Variants in THRB observed in about 807,000 individuals in gnomAD.
THRB encodes the protein nuclear receptor subfamily 1 group A member 2.
A neutral mutation model predicts 47.8 loss-of-function variants in THRB; 12 were observed. The ratio of observed to expected loss-of-function variants is 0.25; its 90% confidence interval spans 0.16 to 0.41. The LOEUF is 0.41. Among genes scored for constraint, THRB ranks in the 10% least tolerant of loss-of-function variants. The pLI is 1.00. For missense variants in THRB, 348 were observed against 589.2 expected (o/e 0.59, Z 4.24); for synonymous variants, 218 against 212.2 (o/e 1.03, Z -0.24).
At chr3:24,430,385 G>T (rs1467658202) in intron 1 of THRB, among the ~76,000 whole-genome samples, 1 of 152,074 alleles carries the variant, frequency 6.6e-6, no homozygotes, top group Non-Finnish European at 1.5e-5. Context: ...CTCATAGACT[G>T]CTCAGTAAGT....
intron 1 of THRB, among the ~76,000 whole-genome samples, chr3:24,362,454 C>T (rs1002952849): frequency 6.6e-6 from 1 of 152,140 alleles, no homozygotes; most frequent in Non-Finnish European, 1.5e-5. Context: ...GTTTCTCATA[C>T]CAAGCTGTTT....
chr3:24,230,023 G>A (rs996764072), intron 3 of THRB, among the ~76,000 whole-genome samples: 1 of 152,212 alleles, frequency 6.6e-6, no homozygotes, highest in African/African-American at 2.4e-5. Context: ...TGAAGATGCT[G>A]TGAGTGGAAG....
chr3:24,200,214 G>C (rs1208842576), intron 4 of THRB, among the ~76,000 whole-genome samples: 2 of 152,254 alleles, frequency 1.3e-5, no homozygotes, highest in South Asian at 2.1e-4. Flanking sequence ...CAAAAGTTCA[G>C]AGCATAATGT....
intron 1 of THRB, among the ~76,000 whole-genome samples, chr3:24,475,534 T>TATAG (rs35580590): frequency 0.43 from 65,340 of 151,234 alleles, 14,644 homozygotes; most frequent in African/African-American, 0.56. Context: ...TCAACATATA[T>TATAG]ATAGATAGAT....
chr3:24,431,426 T>C (rs764305085), intron 1 of THRB, among the ~76,000 whole-genome samples: 2 of 152,002 alleles, frequency 1.3e-5, no homozygotes, highest in African/African-American at 2.4e-5. Context: ...AATCAAAACA[T>C]GCTTTTTCAG....
chr3:24,340,653 A>G (rs555375772), intron 1 of THRB, among the ~76,000 whole-genome samples: 19 of 152,364 alleles, frequency 1.2e-4, no homozygotes, highest in African/African-American at 4.1e-4. Context: ...TCACACATAC[A>G]AGTTAAAATA....
intron 4 of THRB, among the ~76,000 whole-genome samples, chr3:24,194,637 G>GGA (rs1286145241): frequency 6.6e-6 from 1 of 152,194 alleles, no homozygotes; most frequent in Non-Finnish European, 1.5e-5. Flanking sequence ...CATTCTGATG[G>GGA]CTTTGATTGA....
chr3:24,161,653 CAG>C (rs985125430), intron 5 of THRB, among the ~76,000 whole-genome samples: 6 of 150,708 alleles, frequency 4.0e-5, no homozygotes, highest in South Asian at 2.1e-4. Flanking sequence ...CACACACACA[CAG>C]ACAGAATTCT....
intron 1 of THRB, among the ~76,000 whole-genome samples, chr3:24,412,871 T>A (rs2068425159): frequency 6.6e-6 from 1 of 151,792 alleles, no homozygotes; most frequent in South Asian, 2.1e-4. Flanking sequence ...ACACAGAAAA[T>A]TTTAAAAATG....
At chr3:24,372,827 C>G (rs1225988180) in intron 1 of THRB, among the ~76,000 whole-genome samples, 2 of 152,078 alleles carry the variant, frequency 1.3e-5, no homozygotes, top group Non-Finnish European at 2.9e-5. Flanking sequence ...GATGCTTAGT[C>G]TATCACCATA....
At chr3:24,492,516 A>G (rs1327839838) in intron 1 of THRB, among the ~76,000 whole-genome samples, 1 of 152,146 alleles carries the variant, frequency 6.6e-6, no homozygotes, top group Non-Finnish European at 1.5e-5. Context: ...AATCACCTTT[A>G]CTCTGATTTC....
chr3:24,322,674 T>C (rs895530188), intron 2 of THRB, among the ~76,000 whole-genome samples: 1 of 152,196 alleles, frequency 6.6e-6, no homozygotes, highest in Non-Finnish European at 1.5e-5. Flanking sequence ...TGCAAAGGAA[T>C]ATTACTGTGA....
At chr3:24,345,154 C>T (rs1012334727) in intron 1 of THRB, among the ~76,000 whole-genome samples, 2 of 152,158 alleles carry the variant, frequency 1.3e-5, no homozygotes, top group Non-Finnish European at 2.9e-5. Flanking sequence ...GTGCAACTAT[C>T]AAGCTATTCA....
chr3:24,429,950 A>G (rs1440661976), intron 1 of THRB, among the ~76,000 whole-genome samples: 1 of 152,084 alleles, frequency 6.6e-6, no homozygotes, highest in Admixed American at 6.6e-5. Flanking sequence ...ACAGAGTGGT[A>G]TGGTGGCAAA....
intron 4 of THRB, among the ~76,000 whole-genome samples, chr3:24,205,718 G>A (rs1451075074): frequency 6.6e-6 from 1 of 152,154 alleles, no homozygotes; most frequent in Admixed American, 6.5e-5. Flanking sequence ...ATTGGATAAA[G>A]AGTCAAGACC....
chr3:24,375,311 T>C (rs928133228), intron 1 of THRB, among the ~76,000 whole-genome samples: 1 of 147,256 alleles, frequency 6.8e-6, no homozygotes, highest in African/African-American at 2.5e-5. Context: ...ATAATATTAA[T>C]ATATTATATT....
intron 1 of THRB, among the ~76,000 whole-genome samples, chr3:24,432,121 G>T (rs1339968545): frequency 2.0e-5 from 3 of 151,942 alleles, no homozygotes; most frequent in Non-Finnish European, 4.4e-5. Context: ...TTGGCTTCAT[G>T]GGGGATTTAT....
chr3:24,290,685 AT>A (rs1397142839), intron 3 of THRB, among the ~76,000 whole-genome samples: 1 of 152,132 alleles, frequency 6.6e-6, no homozygotes, highest in African/African-American at 2.4e-5. Flanking sequence ...AAGAAGCCTG[AT>A]TTTTCTAGCA....
At chr3:24,246,829 T>C (rs1428928631) in intron 3 of THRB, among the ~76,000 whole-genome samples, 1 of 152,220 alleles carries the variant, frequency 6.6e-6, no homozygotes, top group Non-Finnish European at 1.5e-5. Flanking sequence ...GCCCACTTAA[T>C]GACTAATTTT....
Sources: gnomAD v4.1 joint callset for allele counts (sites outside exome capture counted in the v4.1 genomes callset) on GRCh38, gnomAD v4.1.1 for gene constraint, MANE v1.5 for transcripts, NCBI Gene and HGNC (gene_info 2026-07-23, HGNC 2026-07-21) for gene names.